Variants in PKHD1L1 observed in about 807,000 individuals in gnomAD.
PKHD1L1 encodes PKHD1 like 1.
A neutral mutation model predicts 462.9 loss-of-function variants in PKHD1L1; 434 were observed. The observed-to-expected ratio is 0.94, with a 90% CI of 0.87 to 1.02. The LOEUF (loss-of-function observed/expected upper bound fraction) is 1.02. PKHD1L1 is among the 50% of genes least tolerant of loss of function. The probability of loss-of-function intolerance (pLI) is 0.00; values close to 1 mark genes in which losing one functional copy is unlikely to be tolerated. For missense variants in PKHD1L1, 5,202 were observed against 5,096.1 expected, an observed-to-expected ratio of 1.02 and a Z score of -0.63; for synonymous variants, 1,781 against 1,750.0, an observed-to-expected ratio of 1.02 and a Z score of -0.44.
rs768727441 is a variant in PKHD1L1, at chr8:109,435,282, G to C, written c.3433G>C (p.Gly1145Arg). 6.2e-7 allele frequency: 1 copy of C among 1,613,898 alleles called. No homozygotes were observed. Among genetic ancestry groups the C allele is most frequent in the Admixed American group, 1.7e-5 (1 of 60,016 alleles). Residue 1145 changes from glycine to arginine, a missense_variant, in exon 29 of 78, where the codon GGG (glycine) becomes CGG (arginine). Gly to Arg is a moderately radical substitution (Grantham distance 125, BLOSUM62 -2). Around this residue, in one of 3 missense-constraint regions of PKHD1L1, gnomAD observed 4,497 missense variants for 4,336.8 expected, o/e 1.04. Transcript: ENST00000378402. ...TGATGTTGGACTAGCACAGAATGTA[G>C]GGGGTGAAGAGTTCTACTTTGTTTA... ...MADVGLAQNVGGEEFYFVYQS... is the reference protein window; with the variant it reads ...MADVGLAQNVRGEEFYFVYQS...
intron 39 of PKHD1L1, 114 bp from the exon 40 acceptor site, chr8:109,449,224 C>T: frequency 1.9e-6 from 2 of 1,037,804 alleles, no homozygotes; most frequent in Non-Finnish European, 2.7e-6. Context: ...TTCTAAAAAA[C>T]TCTTCATTTA....
At chr8:109,499,642 AT>A (rs1819300685) in intron 67 of PKHD1L1, among the ~76,000 whole-genome samples, 1 of 152,264 alleles carries the variant, frequency 6.6e-6, no homozygotes, top group African/African-American at 2.4e-5. Context: ...TTGAAAGAAC[AT>A]TAATAACTAT....
intron 45 of PKHD1L1, among the ~76,000 whole-genome samples, chr8:109,455,664 G>A (rs1217377688): frequency 6.6e-6 from 1 of 151,924 alleles, no homozygotes; most frequent in Admixed American, 6.6e-5. Flanking sequence ...CTAGAACCTT[G>A]TCAGCAAGTA....
At chr8:109,487,977 C>T (rs1274255378) in intron 59 of PKHD1L1, among the ~76,000 whole-genome samples, 2 of 142,090 alleles carry the variant, frequency 1.4e-5, no homozygotes, top group African/African-American at 2.6e-5. Context: ...AGAAAAGGTA[C>T]AGTTGGTAGT....
chr8:109,398,841 G>T lies in PKHD1L1; in HGVS notation c.1012+293G>T, dbSNP rs138984440. 9.4e-3 allele frequency among the ~76,000 whole-genome samples: 1,422 copies of T among 152,084 alleles called. 22 individuals carry two copies. The highest frequency in any genetic ancestry group is 0.033 in the African/African-American group (1,365 of 41,512). ...ATGCTTTTATTTCTAATTAAATTAT[G>T]ATAACTAAAACTTGGTATAGTCTAC... On this transcript the variant is annotated intron_variant, in intron 12 of 77. Coordinates refer to ENST00000378402, the MANE Select transcript of PKHD1L1 (RefSeq NM_177531.6).
At chr8:109,476,342 A>G (rs1817985713) in intron 51 of PKHD1L1, among the ~76,000 whole-genome samples, 166 bp from the exon 52 acceptor site, 1 of 152,118 alleles carries the variant, frequency 6.6e-6, no homozygotes, top group Non-Finnish European at 1.5e-5. Context: ...TGTCATAGAC[A>G]TGTAAAACGT....
At chr8:109,397,518 A>G (rs912448925) in intron 11 of PKHD1L1, among the ~76,000 whole-genome samples, 5 of 149,040 alleles carry the variant, frequency 3.4e-5, no homozygotes, top group Admixed American at 6.7e-5. Context: ...CTACAAAAAA[A>G]GAAAGAAAAA....
At chr8:109,506,459 T>C (rs951073555) in intron 68 of PKHD1L1, among the ~76,000 whole-genome samples, 2 of 152,196 alleles carry the variant, frequency 1.3e-5, no homozygotes, top group African/African-American at 4.8e-5. Context: ...AGATTATAGC[T>C]AGTGGATAAA....
At chr8:109,479,461 T>A in intron 53 of PKHD1L1, 90 bp from the exon 54 acceptor site, 2 of 887,708 alleles carry the variant, frequency 2.3e-6, no homozygotes, top group Non-Finnish European at 3.5e-6. Context: ...ATGTAAAATC[T>A]TATGGGGAAA....
In PKHD1L1 at chr8:109,454,869, G is replaced by C; in HGVS notation, c.6874+17G>C. 2 of 1,603,850 alleles carry C rather than the reference G, an allele frequency of 1.2e-6. No individual in the cohort carries two copies. Among genetic ancestry groups the C allele is most frequent in the Non-Finnish European group, 1.7e-6 (2 of 1,174,630 alleles). On this transcript the variant is annotated intron_variant, in intron 45 of 77. Coordinates refer to ENST00000378402, the MANE Select transcript of PKHD1L1 (RefSeq NM_177531.6). ...ATCTGCACGGTACTGTGGCCAAGTG[G>C]CTAAGGGAGTTGGTAGAGGAAGACT...
At chr8:109,477,429 A>G (rs774775348) in intron 53 of PKHD1L1, 33 bp downstream of exon 53, 1 of 1,550,550 alleles carries the variant, frequency 6.4e-7, no homozygotes, top group Admixed American at 1.7e-5. Context: ...ATACCCTTCA[A>G]TATCTCTTAA....
intron 57 of PKHD1L1, 75 bp downstream of exon 57, chr8:109,483,180 C>T (rs1818356545): frequency 1.0e-6 from 1 of 967,786 alleles, no homozygotes. Flanking sequence ...ATTCTACTCT[C>T]ATGGGCATTC....
Position 109,533,730 on chromosome 8 carries a change from G to T in PKHD1L1, c.*3640G>T, listed in dbSNP as rs919385720. Among the ~76,000 whole-genome samples, 13 of 151,956 alleles carry T rather than the reference G, an allele frequency of 8.6e-5. No individual in the cohort carries two copies. The highest frequency in any genetic ancestry group is 1.5e-5 in the Non-Finnish European group (1 of 68,012). On this transcript the variant is annotated 3_prime_UTR_variant, in exon 78 of 78. Coordinates refer to ENST00000378402, the MANE Select transcript of PKHD1L1 (RefSeq NM_177531.6). Reference sequence around the variant, plus strand: ...AGGATAAAGGCCAGTGCCTTTTATTGCTCCATAACTTGTGTTAGAAAATCT... The same window carrying T: ...AGGATAAAGGCCAGTGCCTTTTATTTCTCCATAACTTGTGTTAGAAAATCT...
intron 2 of PKHD1L1, among the ~76,000 whole-genome samples, chr8:109,366,322 C>G (rs1372150326): frequency 6.6e-6 from 1 of 152,136 alleles, no homozygotes; most frequent in African/African-American, 2.4e-5. Context: ...TCTTACAGTC[C>G]CTTGCCTTAA....
chr8:109,426,478 G>C (rs959958490), intron 24 of PKHD1L1, among the ~76,000 whole-genome samples: 1 of 151,690 alleles, frequency 6.6e-6, no homozygotes, highest in Non-Finnish European at 1.5e-5. Flanking sequence ...TTATTATTTT[G>C]AAATTGATAA....
intron 41 of PKHD1L1, among the ~76,000 whole-genome samples, 166 bp downstream of exon 41, chr8:109,451,315 TG>T (rs1445734002): frequency 2.0e-5 from 3 of 152,230 alleles, no homozygotes; most frequent in Non-Finnish European, 4.4e-5. Flanking sequence ...TAACATTTAT[TG>T]AGTATTTATT....
chr8:109,502,592 G>A (rs889211623), intron 67 of PKHD1L1, among the ~76,000 whole-genome samples: 5 of 152,202 alleles, frequency 3.3e-5, no homozygotes, highest in African/African-American at 4.8e-5. Flanking sequence ...CTCTTAAGTT[G>A]TAAGGTTCCT....
intron 21 of PKHD1L1, among the ~76,000 whole-genome samples, chr8:109,415,986 G>A (rs1223284708): frequency 2.6e-5 from 4 of 151,488 alleles, no homozygotes; most frequent in Non-Finnish European, 4.4e-5. Context: ...CAGATCCTGA[G>A]CATATGGACC....
At chr8:109,382,305 T>A (rs557845627) in intron 3 of PKHD1L1, among the ~76,000 whole-genome samples, 158 bp from the exon 4 acceptor site, 8 of 152,306 alleles carry the variant, frequency 5.3e-5, no homozygotes, top group African/African-American at 1.4e-4. Context: ...GAGATCATTT[T>A]TCCATAATAT....
Sources: gnomAD v4.1 joint callset for allele counts (sites outside exome capture counted in the v4.1 genomes callset) on GRCh38, gnomAD v4.1.1 for gene constraint, gnomAD v4.1.1 regional missense constraint, MANE v1.5 for transcripts, NCBI Gene and HGNC (gene_info 2026-07-23, HGNC 2026-07-21) for gene names.